C2orf49: variants seen among roughly 807,000 people sequenced by gnomAD.
C2orf49 encodes the protein tRNA splicing ligase complex subunit 2.
C2orf49 carries 11 observed loss-of-function variants against 20.6 expected under a neutral mutation model. That is an observed-to-expected ratio of 0.53 (90% CI 0.34 to 0.88). C2orf49 has a LOEUF of 0.88. Ranked by LOEUF, C2orf49 falls within the 40% of genes least tolerant of loss-of-function variation. C2orf49 has a pLI of 0.02. For missense variants in C2orf49, 289 were observed against 274.2 expected (o/e 1.05, Z -0.38); for synonymous variants, 134 against 108.5 (o/e 1.24, Z -1.46).
chr2:105,366,924 T>C, the C2orf49 span, among the ~76,000 whole-genome samples: 1 of 152,208 alleles, frequency 6.6e-6, no homozygotes, highest in African/African-American at 2.4e-5. Flanking sequence ...TTGTGTATTT[T>C]TAGTAGAGAT....
At chr2:105,362,658 G>A in the C2orf49 span, among the ~76,000 whole-genome samples, 6 of 152,284 alleles carry the variant, frequency 3.9e-5, no homozygotes, top group Middle Eastern at 3.4e-3. Context: ...TTTGTGTAGC[G>A]ATATGTGGTG....
At chr2:105,339,434 A>T in intron 1 of C2orf49, 149 bp from the exon 2 acceptor site, 1 of 648,540 alleles carries the variant, frequency 1.5e-6, no homozygotes, top group Non-Finnish European at 2.5e-6. Context: ...TTTAACCTTT[A>T]ACACTGTCTC....
downstream of C2orf49, among the ~76,000 whole-genome samples, chr2:105,350,364 A>G (rs1275275387): frequency 6.6e-6 from 1 of 152,238 alleles, no homozygotes; most frequent in Non-Finnish European, 1.5e-5. Flanking sequence ...AAATGAAGTC[A>G]AAGAAGGTAG....
At chr2:105,367,202 C>T in the C2orf49 span, among the ~76,000 whole-genome samples, 3 of 152,356 alleles carry the variant, frequency 2.0e-5, no homozygotes, top group East Asian at 5.8e-4. Flanking sequence ...ATCTTTCTCT[C>T]CCTCTCAAGT....
At chr2:105,371,118 C>T in the C2orf49 span, among the ~76,000 whole-genome samples, 1 of 152,132 alleles carries the variant, frequency 6.6e-6, no homozygotes, top group African/African-American at 2.4e-5. Context: ...TTTCCCTCCC[C>T]AGTAAACACC....
At chr2:105,356,207 G>T in the C2orf49 span, among the ~76,000 whole-genome samples, 1 of 152,086 alleles carries the variant, frequency 6.6e-6, no homozygotes, top group African/African-American at 2.4e-5. Context: ...CCTGGCCAAC[G>T]TGGTGAAACC....
chr2:105,345,963 C>CA lies in C2orf49; in HGVS notation c.*604dup, dbSNP rs879523251. 6.2e-4 allele frequency: 84 copies of CA among 135,116 alleles called. No homozygotes were observed. The highest frequency in any genetic ancestry group is 1.4e-3 in the South Asian group (6 of 4,322). The allele number at this position is 135,116 out of a possible 1,614,324, so 8.4% of individuals were successfully genotyped here. ...GGGCAACAAGAGCGAAACTCCATCT[C>CA]AAAAAAAAAAAAGCATTCAGTGAAT... On this transcript the variant is annotated 3_prime_UTR_variant, in exon 4 of 4. Coordinates refer to ENST00000258457, the MANE Select transcript of C2orf49 (RefSeq NM_024093.3).
At chr2:105,375,326 A>T in the C2orf49 span, 1 of 152,202 alleles carries the variant, frequency 6.6e-6, no homozygotes, top group South Asian at 2.1e-4. Flanking sequence ...GGCCTTTGTG[A>T]GGGGTGACCT....
chr2:105,357,217 A>C, the C2orf49 span, among the ~76,000 whole-genome samples: 1 of 151,790 alleles, frequency 6.6e-6, no homozygotes, highest in Non-Finnish European at 1.5e-5. Flanking sequence ...GGTTTCTCAC[A>C]TTTCTCTGAG....
At chr2:105,363,212 G>T in the C2orf49 span, 5 of 1,475,170 alleles carry the variant, frequency 3.4e-6, no homozygotes, top group South Asian at 1.2e-5. Flanking sequence ...TATAGACAGG[G>T]TCACAGGCTA....
intron 2 of C2orf49, 73 bp downstream of exon 2, chr2:105,339,822 T>C (rs1679618235): frequency 7.6e-7 from 1 of 1,318,424 alleles, no homozygotes; most frequent in Non-Finnish European, 1.0e-6. Flanking sequence ...TGATTTTTCC[T>C]GAGATAAACT....
rs1679788005 is a variant in C2orf49 at position 105,345,422 on chromosome 2, T to C, written c.*51T>C. The C allele has an allele frequency of 1.5e-6, 2 of 1,319,968 alleles. No homozygotes were observed. The highest frequency in any genetic ancestry group is 2.2e-6 in the Non-Finnish European group (2 of 923,642). The allele number at this position is 1,319,968 out of a possible 1,614,324, so 81.8% of individuals were successfully genotyped here. A position where few individuals can be genotyped will look rare whatever the true frequency, so the allele number is the denominator to read the frequency against. Reference sequence around the variant, plus strand: ...TACTGTAACTGTAGTTTTTCAAATATGTTCATATATATTGACAATATTTAC... The same window carrying C: ...TACTGTAACTGTAGTTTTTCAAATACGTTCATATATATTGACAATATTTAC... On this transcript the variant is annotated 3_prime_UTR_variant, in exon 4 of 4. Transcript: ENST00000258457.
chr2:105,350,467 G>A (rs990443487), downstream of C2orf49, among the ~76,000 whole-genome samples: 3 of 152,208 alleles, frequency 2.0e-5, no homozygotes, highest in Non-Finnish European at 4.4e-5. Context: ...ACTTAACCAA[G>A]CATTCAGTTT....
the C2orf49 span, chr2:105,373,699 G>A: frequency 3.1e-6 from 5 of 1,614,190 alleles, no homozygotes; most frequent in Non-Finnish European, 4.2e-6. Flanking sequence ...GTGGAAACAG[G>A]CTTCATGCCA....
In C2orf49 at chr2:105,347,118, T is replaced by A. The variant is rs1211475941; in HGVS notation, c.*1747T>A. 1.3e-5 allele frequency: 2 copies of A among 151,578 alleles called. No individual in the cohort carries two copies. Among genetic ancestry groups the A allele is most frequent in the African/African-American group, 4.9e-5 (2 of 41,082 alleles). 9.4% of individuals were successfully genotyped at this position (151,578 alleles called of 1,614,324 possible). ...ATACTAAGACTTTAACCCAATAGTT[T>A]TTAATCATTCTGCCTTTATTCCAAA... On this transcript the variant is annotated 3_prime_UTR_variant, in exon 4 of 4. Coordinates refer to ENST00000258457, the MANE Select transcript of C2orf49 (RefSeq NM_024093.3).
At chr2:105,380,622 T>C in the C2orf49 span, among the ~76,000 whole-genome samples, 2 of 152,232 alleles carry the variant, frequency 1.3e-5, no homozygotes, top group Non-Finnish European at 2.9e-5. Context: ...ATTTCATTAG[T>C]ACTCCATTGT....
At chr2:105,364,162 A>T in the C2orf49 span, among the ~76,000 whole-genome samples, 4 of 152,190 alleles carry the variant, frequency 2.6e-5, no homozygotes, top group Non-Finnish European at 5.9e-5. Context: ...AGGCTAAGGC[A>T]GGAGAATCGC....
intron 3 of C2orf49, among the ~76,000 whole-genome samples, chr2:105,344,897 T>G (rs902279277): frequency 6.6e-6 from 1 of 152,094 alleles, no homozygotes; most frequent in Non-Finnish European, 1.5e-5. Context: ...GACTTTGGAT[T>G]GTTAAATTGT....
the C2orf49 span, among the ~76,000 whole-genome samples, chr2:105,383,783 C>T: frequency 3.8e-4 from 58 of 152,272 alleles, no homozygotes; most frequent in African/African-American, 1.2e-3. Flanking sequence ...CCCAACTACC[C>T]GATTATTTTT....
Sources: gnomAD v4.1 joint callset for allele counts (sites outside exome capture counted in the v4.1 genomes callset) on GRCh38, gnomAD v4.1.1 for gene constraint, MANE v1.5 for transcripts, NCBI Gene and HGNC (gene_info 2026-07-23, HGNC 2026-07-21) for gene names.